Variants in MAGI2 observed in about 807,000 individuals in gnomAD.
The protein encoded by MAGI2 is membrane associated guanylate kinase, WW and PDZ domain containing 2.
MAGI2 carries 35 observed loss-of-function variants against 133.3 expected under a neutral mutation model. That is an observed-to-expected ratio of 0.26 (90% CI 0.20 to 0.35). MAGI2 has a LOEUF of 0.35. MAGI2 is among the 10% of genes least tolerant of loss of function. The probability of loss-of-function intolerance (pLI) is 1.00; values close to 1 mark genes in which losing one functional copy is unlikely to be tolerated. For synonymous variants in MAGI2, 729 were observed against 710.6 expected, an observed-to-expected ratio of 1.03 and a Z score of -0.41; for missense variants, 1,636 against 1,863.4, an observed-to-expected ratio of 0.88 and a Z score of 2.25.
At chr7:78,764,570 A>G (rs1824823459) in intron 2 of MAGI2, among the ~76,000 whole-genome samples, 1 of 152,156 alleles carries the variant, frequency 6.6e-6, no homozygotes, top group South Asian at 2.1e-4. Context: ...CAAATGTTAA[A>G]CAGTTCTTCT....
intron 1 of MAGI2, among the ~76,000 whole-genome samples, chr7:79,319,996 A>T (rs1839044095): frequency 6.6e-6 from 1 of 152,166 alleles, no homozygotes; most frequent in African/African-American, 2.4e-5. Flanking sequence ...TCAAATGCAT[A>T]GGTTAAGTAA....
chr7:78,406,530 T>C (rs1797391414), intron 6 of MAGI2, among the ~76,000 whole-genome samples: 1 of 152,064 alleles, frequency 6.6e-6, no homozygotes, highest in Admixed American at 6.6e-5. Flanking sequence ...GGCTGATATT[T>C]AGTGATTTAT....
intron 2 of MAGI2, among the ~76,000 whole-genome samples, chr7:78,878,792 G>T (rs939607380): frequency 6.6e-6 from 1 of 152,136 alleles, no homozygotes; most frequent in African/African-American, 2.4e-5. Context: ...CCATGCCCAG[G>T]CAGATCTTCA....
intron 2 of MAGI2, among the ~76,000 whole-genome samples, chr7:78,920,656 C>T (rs927695172): frequency 6.6e-6 from 1 of 152,068 alleles, no homozygotes; most frequent in Non-Finnish European, 1.5e-5. Flanking sequence ...TATTTTATAT[C>T]CTCCAAGCTA....
In MAGI2 at chr7:78,454,832, T is replaced by C. The variant is rs139554051; in HGVS notation, c.1045+34929A>G. ...GAAGTCTGAAAGGCTACATACTATA[T>C]GACTTCAACTATGTGACATTCTGGA... is the stretch of plus-strand genomic sequence containing the variant. On this transcript the variant is annotated intron_variant, in intron 6 of 21. Coordinates refer to ENST00000354212, the MANE Select transcript of MAGI2 (RefSeq NM_012301.4). Among the ~76,000 whole-genome samples the C allele has an allele frequency of 3.1e-3, 466 of 152,202 alleles. 6 individuals are homozygous for C. Among genetic ancestry groups the C allele is most frequent in the African/African-American group, 0.011 (442 of 41,522 alleles).
At chr7:78,342,057 C>T (rs569421615) in intron 9 of MAGI2, among the ~76,000 whole-genome samples, 20 of 152,096 alleles carry the variant, frequency 1.3e-4, no homozygotes, top group Admixed American at 5.9e-4. Flanking sequence ...TTGCAATCTA[C>T]CCATCTGACA....
intron 7 of MAGI2, among the ~76,000 whole-genome samples, chr7:78,361,401 A>G (rs1039722722): frequency 2.0e-5 from 3 of 151,614 alleles, no homozygotes; most frequent in Non-Finnish European, 2.9e-5. Context: ...TCAAAAAAAA[A>G]AAAAAGCTTG....
At chr7:79,402,429 G>A (rs183346252) in intron 1 of MAGI2, among the ~76,000 whole-genome samples, 25 of 152,192 alleles carry the variant, frequency 1.6e-4, no homozygotes, top group African/African-American at 6.0e-4. Flanking sequence ...TGTAAAAATA[G>A]CTTACATGAT....
intron 1 of MAGI2, among the ~76,000 whole-genome samples, chr7:79,427,522 A>G (rs1847474687): frequency 6.6e-6 from 1 of 152,160 alleles, no homozygotes; most frequent in Admixed American, 6.6e-5. Flanking sequence ...ATGATATGAG[A>G]AGGAGATGGC....
chr7:79,266,703 C>T (rs1185903978), intron 1 of MAGI2, among the ~76,000 whole-genome samples: 1 of 152,000 alleles, frequency 6.6e-6, no homozygotes, highest in Admixed American at 6.6e-5. Flanking sequence ...ATTAAACTGC[C>T]CCATACTCGG....
chr7:78,466,587 C>T (rs576782778), intron 6 of MAGI2, among the ~76,000 whole-genome samples: 2 of 152,246 alleles, frequency 1.3e-5, no homozygotes, highest in African/African-American at 4.8e-5. Context: ...TCTCTACTTG[C>T]CTTTTGTGCT....
At chr7:78,229,825 T>C (rs909412925) in intron 10 of MAGI2, among the ~76,000 whole-genome samples, 5 of 152,200 alleles carry the variant, frequency 3.3e-5, no homozygotes, top group Non-Finnish European at 7.3e-5. Flanking sequence ...TCCTGGATTC[T>C]GGCAGAAGTG....
intron 1 of MAGI2, among the ~76,000 whole-genome samples, chr7:79,422,768 G>A (rs1204268410): frequency 6.6e-6 from 1 of 151,928 alleles, no homozygotes; most frequent in Non-Finnish European, 1.5e-5. Flanking sequence ...AACACAGCCC[G>A]ACTCTGGGAA....
At chr7:78,967,440 T>C (rs570760480) in intron 2 of MAGI2, among the ~76,000 whole-genome samples, 14 of 152,224 alleles carry the variant, frequency 9.2e-5, no homozygotes, top group African/African-American at 3.4e-4. Context: ...TGGTGTGATT[T>C]TTAGTTCATT....
chr7:78,537,169 CTACA>C (rs748740343), intron 3 of MAGI2, among the ~76,000 whole-genome samples: 1 of 93,670 alleles, frequency 1.1e-5, no homozygotes, highest in Non-Finnish European at 2.3e-5. Context: ...TAGTATTCCA[CTACA>C]CACACACACA....
At chr7:78,199,345 A>G (rs1038809124) in intron 11 of MAGI2, among the ~76,000 whole-genome samples, 1 of 152,238 alleles carries the variant, frequency 6.6e-6, no homozygotes, top group African/African-American at 2.4e-5. Flanking sequence ...GTAAAGGCTC[A>G]TGAATGGAGG....
At chr7:79,067,257 A>ATTTG (rs1814450124) in intron 1 of MAGI2, among the ~76,000 whole-genome samples, 6 of 151,184 alleles carry the variant, frequency 4.0e-5, no homozygotes, top group Admixed American at 1.3e-4. Context: ...ATGTTTTTCC[A>ATTTG]TTTGTGTCCT....
rs3047688 is a variant in MAGI2, at chr7:79,113,811, T to TACACACACAC, written c.302-106615_302-106606dup. Among the ~76,000 whole-genome samples the TACACACACAC allele has an allele frequency of 7.6e-3, 1,129 of 148,986 alleles. 17 individuals carry two copies. The highest frequency in any genetic ancestry group is 0.026 in the African/African-American group (1,057 of 40,670). Reference sequence around the variant, plus strand: ...ATAATCTCCTCCTATTACACACGCTTACACACACACACACACACACACACA... The same window carrying TACACACACAC: ...ATAATCTCCTCCTATTACACACGCTTACACACACACACACACACACACACACACACACACA... On this transcript the variant is annotated intron_variant, in intron 1 of 21. Coordinates refer to ENST00000354212, the MANE Select transcript of MAGI2 (RefSeq NM_012301.4).
At chr7:78,624,504 G>T (rs1808110769) in intron 3 of MAGI2, among the ~76,000 whole-genome samples, 1 of 152,144 alleles carries the variant, frequency 6.6e-6, no homozygotes, top group African/African-American at 2.4e-5. Flanking sequence ...CAGGGACATG[G>T]ATGGAGTCGG....
Sources: allele counts gnomAD v4.1 joint callset (sites outside exome capture counted in the v4.1 genomes callset), GRCh38; gene constraint gnomAD v4.1.1; transcripts MANE v1.5; gene names NCBI Gene and HGNC (gene_info 2026-07-23, HGNC 2026-07-21).